Variants in MFSD6 observed in about 807,000 individuals in gnomAD.
MFSD6 encodes the protein major facilitator superfamily domain containing 6, also known as major facilitator superfamily domain-containing protein 6.
Under a neutral mutation model 56.3 loss-of-function variants are expected in MFSD6, and 26 were observed. That is an observed-to-expected ratio of 0.46 (90% confidence interval 0.34 to 0.64). MFSD6 has a LOEUF of 0.64. Ranked by LOEUF, MFSD6 falls within the 30% of genes least tolerant of loss-of-function variation. The probability of loss-of-function intolerance (pLI) is 0.01; values close to 1 mark genes in which losing one functional copy is unlikely to be tolerated. For synonymous variants in MFSD6, 331 were observed against 366.9 expected (o/e 0.90, Z 1.12); for missense variants, 750 against 986.2 (o/e 0.76, Z 3.21).
Position 190,501,844 on chromosome 2 carries a change from C to A in MFSD6, c.*1626C>A, listed in dbSNP as rs1024790650. The A allele has an allele frequency of 1.8e-4, 27 of 152,516 alleles. No individual in the cohort carries two copies. The highest frequency in any genetic ancestry group is 6.5e-4 in the African/African-American group (27 of 41,408). The allele number at this position is 152,516 out of a possible 1,614,324, so 9.4% of individuals were successfully genotyped here. ...GTAAATTATGACTCATTTTAAGTGACCTTTAAAATCAGATGTATTTATTAT... is the reference window on the plus strand; with the variant it reads ...GTAAATTATGACTCATTTTAAGTGAACTTTAAAATCAGATGTATTTATTAT... On this transcript the variant is annotated 3_prime_UTR_variant, in exon 8 of 8. Transcript: ENST00000392328.
At chr2:190,482,279 G>A (rs1435120299) in intron 4 of MFSD6, among the ~76,000 whole-genome samples, 1 of 152,172 alleles carries the variant, frequency 6.6e-6, no homozygotes, top group Non-Finnish European at 1.5e-5. Flanking sequence ...CATTTAATGT[G>A]TGAAACCACT....
In MFSD6 at chr2:190,436,223, A is replaced by G. The variant is rs202168851; in HGVS notation, c.194A>G (p.Asn65Ser). ...DWIEKHCVKI[N>S]NDLLISKVFY... ...ATAGAGAAACATTGTGTTAAGATAAACAACGATCTTCTAATTTCCAAGGTC... is the reference window on the plus strand; with the variant it reads ...ATAGAGAAACATTGTGTTAAGATAAGCAACGATCTTCTAATTTCCAAGGTC... Residue 65 changes from asparagine (N) to serine (S), a missense_variant, in exon 3 of 8, where the codon AAC becomes AGC. Coordinates refer to ENST00000392328, the MANE Select transcript of MFSD6 (RefSeq NM_017694.4). The surrounding 1 kb of genome is among the most constrained non-coding windows in gnomAD (Gnocchi z 5.3). The G allele has an allele frequency of 1.1e-4, 171 of 1,614,004 alleles. 1 individual carries two copies. Among genetic ancestry groups the G allele is most frequent in the Non-Finnish European group, 8.7e-5 (103 of 1,180,002 alleles).
chr2:190,435,897 T>G, intron 2 of MFSD6, 80 bp from the exon 3 acceptor site: 1 of 1,216,196 alleles, frequency 8.2e-7, no homozygotes, highest in Non-Finnish European at 1.1e-6. Context: ...TGTAACTGCT[T>G]AATTTCCTGC....
In MFSD6 at chr2:190,423,284, C is replaced by T. The variant is rs1559103866; in HGVS notation, c.-54+7871C>T. 6.6e-6 allele frequency among the ~76,000 whole-genome samples: 1 copy of T among 152,314 alleles called. No individual in the cohort carries two copies. The highest frequency in any genetic ancestry group is 1.9e-4 in the East Asian group (1 of 5,188). On this transcript the variant is annotated intron_variant, in intron 2 of 7. Transcript: ENST00000392328. This position sits in a 1 kb window ranked among gnomAD's most constrained non-coding sequence, Gnocchi z 4.3. Reference sequence around the variant, plus strand: ...CCCTTGTATAGCCACCTCTACTTCCCTCCTGTCCCCACTCTCTAGTGAATT... The same window carrying T: ...CCCTTGTATAGCCACCTCTACTTCCTTCCTGTCCCCACTCTCTAGTGAATT...
rs1015926118 is a variant in MFSD6, at chr2:190,491,028, C to T, written c.1891+1162C>T. 3.3e-5 allele frequency among the ~76,000 whole-genome samples: 5 copies of T among 152,220 alleles called. No individual in the cohort carries two copies. The highest frequency in any genetic ancestry group is 3.9e-4 in the East Asian group (2 of 5,186). ...CAATAAAAATAACTATCATGGCTCT[C>T]CCAAAGTTATAAGATGTAGTTAAAG... On this transcript the variant is annotated intron_variant, in intron 6 of 7. Transcript: ENST00000392328. This position sits in a 1 kb window ranked among gnomAD's most constrained non-coding sequence, Gnocchi z 4.2.
Position 190,443,972 on chromosome 2 carries a change from AGCCCAAAAG to A in MFSD6, c.1532+6413_1532+6421del, listed in dbSNP as rs990083401. Among the ~76,000 whole-genome samples the A allele has an allele frequency of 3.3e-5, 5 of 152,142 alleles. No individual in the cohort carries two copies. Among genetic ancestry groups the A allele is most frequent in the Non-Finnish European group, 5.9e-5 (4 of 68,012 alleles). On this transcript the variant is annotated intron_variant, in intron 3 of 7. Transcript: ENST00000392328. The surrounding 1 kb of genome is among the most constrained non-coding windows in gnomAD (Gnocchi z 4.2). ...GAGCCTGAGCTGGGAGGATCTGTTG[AGCCCAAAAG>A]GAAGTCAAGGCTGCAGTGAGCTGTG...
In MFSD6 at chr2:190,416,249, C is replaced by T. The variant is rs1450962246; in HGVS notation, c.-54+836C>T. ...GTGAAAATCTAGTTGGTCTTTATTA[C>T]TAAAGTCATCTTTATGGTTATAAGC... On this transcript the variant is annotated intron_variant, in intron 2 of 7. Coordinates refer to ENST00000392328, the MANE Select transcript of MFSD6 (RefSeq NM_017694.4). This position sits in a 1 kb window ranked among gnomAD's most constrained non-coding sequence, Gnocchi z 4.1. Among the ~76,000 whole-genome samples the T allele has an allele frequency of 6.6e-6, 1 of 152,030 alleles. No individual in the cohort carries two copies.
At chr2:190,466,934 G>A (rs1301271773) in intron 3 of MFSD6, among the ~76,000 whole-genome samples, 1 of 152,146 alleles carries the variant, frequency 6.6e-6, no homozygotes, top group African/African-American at 2.4e-5. Context: ...AGGTTTGAAG[G>A]CAAAGCACAA....
Position 190,490,169 on chromosome 2 carries a change from A to C in MFSD6, c.1891+303A>C, listed in dbSNP as rs1208776019. Among the ~76,000 whole-genome samples, 1 of 152,074 alleles carries C rather than the reference A, an allele frequency of 6.6e-6. No homozygotes were observed. Among genetic ancestry groups the C allele is most frequent in the African/African-American group, 2.4e-5 (1 of 41,416 alleles). On this transcript the variant is annotated intron_variant, in intron 6 of 7. Coordinates refer to ENST00000392328, the MANE Select transcript of MFSD6 (RefSeq NM_017694.4). This position sits in a 1 kb window ranked among gnomAD's most constrained non-coding sequence, Gnocchi z 4.5. Reference sequence around the variant, plus strand: ...TCTCTGGTATTCTAAAGGTTTTTCAAATTTAAGTCAAATACATATAAGGCT... The same window carrying C: ...TCTCTGGTATTCTAAAGGTTTTTCACATTTAAGTCAAATACATATAAGGCT...
rs1163733497 is a variant in MFSD6, at chr2:190,463,664, T to C, written c.1533-6094T>C. Among the ~76,000 whole-genome samples, 2 of 151,796 alleles carry C rather than the reference T, an allele frequency of 1.3e-5. No individual in the cohort carries two copies. The highest frequency in any genetic ancestry group is 2.4e-5 in the African/African-American group (1 of 41,332). Reference sequence around the variant, plus strand: ...AGTGAGACTTTGTGTCTACTAAAAATCAAAAGTTAGCTTGGCGTGATGGTG... The same window carrying C: ...AGTGAGACTTTGTGTCTACTAAAAACCAAAAGTTAGCTTGGCGTGATGGTG... On this transcript the variant is annotated intron_variant, in intron 3 of 7. Coordinates refer to ENST00000392328, the MANE Select transcript of MFSD6 (RefSeq NM_017694.4). The surrounding 1 kb of genome is among the most constrained non-coding windows in gnomAD (Gnocchi z 4.4).
chr2:190,437,382 G>C lies in MFSD6; in HGVS notation c.1353G>C (p.Leu451=), dbSNP rs1361550113. The C allele has an allele frequency of 6.2e-7, 1 of 1,614,130 alleles. No individual in the cohort carries two copies. Among genetic ancestry groups the C allele is most frequent in the Non-Finnish European group, 8.5e-7 (1 of 1,180,056 alleles). The change falls in exon 3 of 8, where the codon CTG becomes CTC. Residue 451 remains leucine, a synonymous_variant. Coordinates refer to ENST00000392328, the MANE Select transcript of MFSD6 (RefSeq NM_017694.4). The surrounding 1 kb of genome is among the most constrained non-coding windows in gnomAD (Gnocchi z 5.9). ...LLCSVQYGSV[L]FVAWFMGFGY... ...GCAGCGTGCAGTATGGCTCAGTGCT[G>C]TTTGTGGCTTGGTTCATGGGTTTTG...
At chr2:190,409,066 A>T (rs1398101791) in intron 1 of MFSD6, among the ~76,000 whole-genome samples, 1 of 152,146 alleles carries the variant, frequency 6.6e-6, no homozygotes. Flanking sequence ...CCAGGTTAAT[A>T]AATACGGAAA....
Position 190,412,485 on chromosome 2 carries a change from C to A in MFSD6, c.-175-2807C>A. On this transcript the variant is annotated intron_variant, in intron 1 of 7. Transcript: ENST00000392328. This position sits in a 1 kb window ranked among gnomAD's most constrained non-coding sequence, Gnocchi z 4.1. ...TGCAAAGTCCTACCCTACTACAAGG[C>A]CAGTTTGGGTAAAATTTCTTCCTCA... The A allele has an allele frequency of 1.0e-6, 1 of 985,356 alleles. No homozygotes were observed. Among genetic ancestry groups the A allele is most frequent in the Non-Finnish European group, 1.2e-6 (1 of 829,898 alleles). 61.0% of individuals were successfully genotyped at this position (985,356 alleles called of 1,614,324 possible).
chr2:190,478,059 C>A (rs761042124), intron 4 of MFSD6, among the ~76,000 whole-genome samples: 2 of 152,138 alleles, frequency 1.3e-5, no homozygotes, highest in Non-Finnish European at 2.9e-5. Context: ...AGCTGCCAAC[C>A]CAGGACATGT....
chr2:190,455,865 T>C (rs1687004134), intron 3 of MFSD6, among the ~76,000 whole-genome samples: 1 of 150,356 alleles, frequency 6.7e-6, no homozygotes, highest in Non-Finnish European at 1.5e-5. Flanking sequence ...GAGCAAAATT[T>C]CTAGCCATAA....
Position 190,443,448 on chromosome 2 carries a change from ACT to A in MFSD6, c.1532+5888_1532+5889del, listed in dbSNP as rs1189114705. ...ATAGATTAGGAGTTCAGCTTATTTT[ACT>A]TTTTTTCTGTCAGTCTGATATATTA... On this transcript the variant is annotated intron_variant, in intron 3 of 7. Coordinates refer to ENST00000392328, the MANE Select transcript of MFSD6 (RefSeq NM_017694.4). This position sits in a 1 kb window ranked among gnomAD's most constrained non-coding sequence, Gnocchi z 4.2. Among the ~76,000 whole-genome samples, 1 of 152,150 alleles carries A rather than the reference ACT, an allele frequency of 6.6e-6. No individual in the cohort carries two copies. The highest frequency in any genetic ancestry group is 1.5e-5 in the Non-Finnish European group (1 of 68,028).
rs1423283060 is a variant in MFSD6 at position 190,412,889 on chromosome 2, T to A, written c.-175-2403T>A. ...TTTGCAAAATGGCATTGTCTCAAGT[T>A]GGCTGGGCAACTTTTGGAATCTACC... is the stretch of plus-strand genomic sequence containing the variant. On this transcript the variant is annotated intron_variant, in intron 1 of 7. Transcript: ENST00000392328. The surrounding 1 kb of genome is among the most constrained non-coding windows in gnomAD (Gnocchi z 4.1). 6.6e-6 allele frequency among the ~76,000 whole-genome samples: 1 copy of A among 152,232 alleles called. No individual in the cohort carries two copies. The highest frequency in any genetic ancestry group is 1.5e-5 in the Non-Finnish European group (1 of 68,042).
At chr2:190,468,766 A>T (rs866492842) in intron 3 of MFSD6, among the ~76,000 whole-genome samples, 1 of 151,928 alleles carries the variant, frequency 6.6e-6, no homozygotes, top group African/African-American at 2.4e-5. Flanking sequence ...GTCAGGAATG[A>T]TTTTAACATA....
chr2:190,466,364 A>C (rs1256535871), intron 3 of MFSD6, among the ~76,000 whole-genome samples: 1 of 152,216 alleles, frequency 6.6e-6, no homozygotes, highest in African/African-American at 2.4e-5. Context: ...TATTCAGTAA[A>C]TATACGTGTA....
Sources: allele counts gnomAD v4.1 joint callset (sites outside exome capture counted in the v4.1 genomes callset), GRCh38; gene constraint gnomAD v4.1.1; non-coding constraint Gnocchi (gnomAD v3.1); transcripts MANE v1.5; gene names NCBI Gene and HGNC (gene_info 2026-07-23, HGNC 2026-07-21).